CSMD1: variants seen among roughly 807,000 people sequenced by gnomAD.
CSMD1 encodes CUB and sushi domain-containing protein 1.
In CSMD1, 213 loss-of-function variants were observed where a neutral mutation model predicts 417.5. The ratio of observed to expected loss-of-function variants is 0.51; its 90% CI spans 0.46 to 0.57. CSMD1 has a LOEUF of 0.57. Among genes scored for constraint, CSMD1 ranks in the 20% least tolerant of loss-of-function variants. CSMD1 has a pLI of 0.00. For missense variants in CSMD1, 6,923 were observed against 4,529.7 expected (o/e 1.53, Z -15.17); for synonymous variants, 2,862 against 1,736.8 (o/e 1.65, Z -16.11).
At chr8:3,548,289 TTTAA>T (rs1168566869) in intron 10 of CSMD1, among the ~76,000 whole-genome samples, 2 of 152,142 alleles carry the variant, frequency 1.3e-5, no homozygotes, top group African/African-American at 4.8e-5. Context: ...AAAATGCTTA[TTTAA>T]TTATTATTTT....
chr8:3,631,630 G>C (rs1796788330), intron 7 of CSMD1, among the ~76,000 whole-genome samples: 1 of 152,222 alleles, frequency 6.6e-6, no homozygotes, highest in South Asian at 2.1e-4. Context: ...CAACACTGAA[G>C]ATCACTGGTG....
chr8:3,009,608 T>C (rs1808225316), intron 52 of CSMD1, among the ~76,000 whole-genome samples: 1 of 152,210 alleles, frequency 6.6e-6, no homozygotes, highest in East Asian at 1.9e-4. Flanking sequence ...TTGATCTCCA[T>C]ATGCTAAAGA....
chr8:3,002,837 T>C (rs1807530583), intron 52 of CSMD1, among the ~76,000 whole-genome samples: 1 of 152,210 alleles, frequency 6.6e-6, no homozygotes, highest in Non-Finnish European at 1.5e-5. Flanking sequence ...GCAACTCCTC[T>C]CTGACACATG....
intron 11 of CSMD1, among the ~76,000 whole-genome samples, chr8:3,480,345 A>C (rs1368084522): frequency 6.6e-6 from 1 of 152,190 alleles, no homozygotes; most frequent in Non-Finnish European, 1.5e-5. Context: ...CCCCTGGAGC[A>C]ATGGAGAAAG....
At position 3,240,891 on chromosome 8, in the gene CSMD1, G is replaced by C. The variant is rs552863449; in HGVS notation, c.4154-10660C>G. Among the ~76,000 whole-genome samples the C allele has an allele frequency of 2.6e-5, 4 of 152,204 alleles. No homozygotes were observed. In the East Asian group the frequency reaches 7.8e-4, roughly 30 times the overall value. On this transcript the variant is annotated intron_variant, in intron 26 of 69. Transcript: ENST00000635120. ...TGTAAGGAGAGTTTATAGGCTTTAA[G>C]AGGTCATGCTGTAGCAGGCAAGTGA...
chr8:4,658,378 A>G (rs1457740514), intron 1 of CSMD1, among the ~76,000 whole-genome samples: 1 of 152,158 alleles, frequency 6.6e-6, no homozygotes. Flanking sequence ...TATACACAAC[A>G]GATCCTTAGA....
chr8:3,056,190 A>T (rs1812207050), intron 49 of CSMD1, among the ~76,000 whole-genome samples: 2 of 152,184 alleles, frequency 1.3e-5, no homozygotes, highest in South Asian at 4.1e-4. Flanking sequence ...GGCTTACTTC[A>T]CTTACATATC....
intron 3 of CSMD1, among the ~76,000 whole-genome samples, chr8:4,412,068 C>G (rs745689540): frequency 1.3e-5 from 2 of 151,376 alleles, no homozygotes; most frequent in Non-Finnish European, 2.9e-5. Context: ...TGATATAGTT[C>G]AGATATTTCT....
intron 12 of CSMD1, among the ~76,000 whole-genome samples, chr8:3,427,017 C>T (rs989020486): frequency 5.9e-5 from 9 of 152,078 alleles, no homozygotes; most frequent in African/African-American, 2.2e-4. Flanking sequence ...GGGGAATTAC[C>T]AAACACTTAT....
chr8:3,904,329 G>C (rs1355561926), intron 5 of CSMD1, among the ~76,000 whole-genome samples: 3 of 151,852 alleles, frequency 2.0e-5, no homozygotes, highest in Non-Finnish European at 4.4e-5. Context: ...ATCAAGCCCA[G>C]TCCTACAAAT....
intron 26 of CSMD1, among the ~76,000 whole-genome samples, chr8:3,246,885 A>G (rs971219776): frequency 2.6e-5 from 4 of 152,242 alleles, no homozygotes; most frequent in Admixed American, 6.5e-5. Context: ...TTTTGGAATT[A>G]GAGTTCCAAT....
intron 25 of CSMD1, among the ~76,000 whole-genome samples, chr8:3,307,130 TTCTTCATA>T (rs1239215567): frequency 6.6e-6 from 1 of 152,174 alleles, no homozygotes; most frequent in Non-Finnish European, 1.5e-5. Context: ...TAGAGTGTAT[TTCTTCATA>T]TCTTGAGTCT....
chr8:4,344,664 C>G (rs1800679212), intron 3 of CSMD1, among the ~76,000 whole-genome samples: 2 of 151,764 alleles, frequency 1.3e-5, no homozygotes, highest in African/African-American at 2.4e-5. Context: ...AGAATTGAAT[C>G]AATAAACACA....
intron 3 of CSMD1, among the ~76,000 whole-genome samples, chr8:4,279,728 C>T (rs1414122335): frequency 6.6e-6 from 1 of 152,064 alleles, no homozygotes; most frequent in Non-Finnish European, 1.5e-5. Flanking sequence ...TTGCAATTTT[C>T]AATGCAGCAT....
chr8:4,046,355 T>C (rs1188416954), intron 3 of CSMD1, among the ~76,000 whole-genome samples: 1 of 152,218 alleles, frequency 6.6e-6, no homozygotes, highest in Admixed American at 6.5e-5. Context: ...ATGTTATCAT[T>C]ATAAACACTT....
chr8:4,073,336 G>C (rs554947248), intron 3 of CSMD1, among the ~76,000 whole-genome samples: 5 of 152,156 alleles, frequency 3.3e-5, no homozygotes, highest in Admixed American at 6.5e-5. Flanking sequence ...AATTGTGAAA[G>C]CTGACAGTTC....
Position 4,001,811 on chromosome 8 carries a change from G to T in CSMD1, c.611-3701C>A, listed in dbSNP as rs908835936. ...AGTGGTGAAATTTAAGGGTAACTTT[G>T]TTGGGAAAGGAGTAGATGACATAAA... On this transcript the variant is annotated intron_variant, in intron 4 of 69. Coordinates refer to ENST00000635120, the MANE Select transcript of CSMD1 (RefSeq NM_033225.6). Among the ~76,000 whole-genome samples the T allele has an allele frequency of 2.6e-5, 4 of 152,112 alleles. No homozygotes were observed. The South Asian group carries it at 8.3e-4, about 32-fold the overall frequency.
intron 12 of CSMD1, among the ~76,000 whole-genome samples, chr8:3,450,142 T>A (rs192548054): frequency 2.2e-4 from 33 of 152,308 alleles, no homozygotes; most frequent in African/African-American, 7.7e-4. Flanking sequence ...TTTGCTTCGA[T>A]GACGAACGTT....
At chr8:4,988,486 A>C (rs1014277835) in intron 1 of CSMD1, among the ~76,000 whole-genome samples, 1 of 152,222 alleles carries the variant, frequency 6.6e-6, no homozygotes, top group Non-Finnish European at 1.5e-5. Context: ...TCATTCCCCA[A>C]AGAAATTTTA....
Sources: gnomAD v4.1 joint callset for allele counts (sites outside exome capture counted in the v4.1 genomes callset) on GRCh38, gnomAD v4.1.1 for gene constraint, MANE v1.5 for transcripts, NCBI Gene and HGNC (gene_info 2026-07-23, HGNC 2026-07-21) for gene names.